The following ZBTB20 variants were observed in gnomAD, a reference collection of about 807,000 sequenced individuals.
ZBTB20 encodes zinc finger and BTB domain containing 20, also known as zinc finger and BTB domain-containing protein 20.
In ZBTB20, 9 loss-of-function variants were observed where a neutral mutation model predicts 56.9. The ratio of observed to expected loss-of-function variants is 0.16; its 90% confidence interval spans 0.10 to 0.28. The LOEUF is 0.28. Among genes scored for constraint, ZBTB20 ranks in the 10% least tolerant of loss-of-function variants. ZBTB20 has a pLI of 1.00. For synonymous variants in ZBTB20, 417 were observed against 420.7 expected (o/e 0.99, Z 0.11); for missense variants, 655 against 1,003.0 (o/e 0.65, Z 4.69).
chr3:114,413,613 A>T lies in ZBTB20; in HGVS notation c.-254-24508T>A, dbSNP rs578190122. 1.7e-3 allele frequency among the ~76,000 whole-genome samples: 256 copies of T among 152,290 alleles called. 2 individuals carry two copies. Among genetic ancestry groups the T allele is most frequent in the South Asian group, 5.4e-3 (26 of 4,824 alleles). On this transcript the variant is annotated intron_variant, in intron 7 of 11. Coordinates refer to ENST00000675478, the MANE Select transcript of ZBTB20 (RefSeq NM_001348800.3). ...CCAGAGGGGCTTTTCTTATAATCAC[A>T]TGCTTGTAAGAAAGTAGGGACTAAC...
At chr3:115,128,740 G>A (rs1401477521) in intron 1 of ZBTB20, among the ~76,000 whole-genome samples, 2 of 130,752 alleles carry the variant, frequency 1.5e-5, no homozygotes, top group Admixed American at 7.6e-5. Flanking sequence ...TGGAGGGGAG[G>A]GAAGGGGAGG....
At chr3:114,929,321 A>G (rs971451549) in intron 3 of ZBTB20, among the ~76,000 whole-genome samples, 3 of 152,232 alleles carry the variant, frequency 2.0e-5, no homozygotes, top group African/African-American at 4.8e-5. Context: ...TTGAAGGTCA[A>G]TATGTTCCTA....
intron 3 of ZBTB20, among the ~76,000 whole-genome samples, chr3:114,968,223 T>C (rs1422154627): frequency 1.3e-5 from 2 of 152,154 alleles, no homozygotes; most frequent in South Asian, 2.1e-4. Flanking sequence ...GTTTTCAAAA[T>C]ACAAATTCTA....
At chr3:114,570,146 A>G (rs1006890382) in intron 6 of ZBTB20, among the ~76,000 whole-genome samples, 4 of 149,124 alleles carry the variant, frequency 2.7e-5, no homozygotes, top group Admixed American at 2.7e-4. Context: ...AAGGTAAAAC[A>G]TTCCCTTCTG....
chr3:114,342,418 A>G (rs931684154), intron 11 of ZBTB20, among the ~76,000 whole-genome samples: 1 of 152,210 alleles, frequency 6.6e-6, no homozygotes, highest in Non-Finnish European at 1.5e-5. Context: ...ACACAAAGTA[A>G]AAAGTGGATA....
chr3:114,896,228 C>A (rs763848340), intron 4 of ZBTB20, among the ~76,000 whole-genome samples: 1 of 152,116 alleles, frequency 6.6e-6, no homozygotes, highest in Non-Finnish European at 1.5e-5. Context: ...ACCATACAAT[C>A]TAGCAATTCC....
intron 1 of ZBTB20, among the ~76,000 whole-genome samples, chr3:115,130,688 G>A (rs564952472): frequency 6.6e-6 from 1 of 152,208 alleles, no homozygotes; most frequent in South Asian, 2.1e-4. Flanking sequence ...CAATCTGCTT[G>A]GGTGCCAAGA....
intron 6 of ZBTB20, among the ~76,000 whole-genome samples, chr3:114,626,327 A>C (rs1006907069): frequency 6.6e-6 from 1 of 152,186 alleles, no homozygotes; most frequent in African/African-American, 2.4e-5. Context: ...TTTGAAATGG[A>C]AATAATATTA....
intron 2 of ZBTB20, among the ~76,000 whole-genome samples, chr3:115,016,686 C>T (rs531493991): frequency 2.0e-5 from 3 of 151,756 alleles, no homozygotes; most frequent in African/African-American, 7.2e-5. Flanking sequence ...GTTTTTGTAC[C>T]AGTGCCATGC....
At chr3:114,622,945 T>C (rs1214384775) in intron 6 of ZBTB20, among the ~76,000 whole-genome samples, 1 of 152,216 alleles carries the variant, frequency 6.6e-6, no homozygotes, top group African/African-American at 2.4e-5. Flanking sequence ...GAGAACCATA[T>C]TGGCGACATC....
At chr3:115,047,077 C>T (rs1408960965) in intron 2 of ZBTB20, among the ~76,000 whole-genome samples, 1 of 152,134 alleles carries the variant, frequency 6.6e-6, no homozygotes, top group Admixed American at 6.5e-5. Flanking sequence ...TTTATCAATA[C>T]TTTCTTCTGC....
chr3:114,425,681 C>T (rs2089585084), intron 7 of ZBTB20, among the ~76,000 whole-genome samples: 1 of 152,166 alleles, frequency 6.6e-6, no homozygotes, highest in African/African-American at 2.4e-5. Context: ...CTGATGCACT[C>T]ATCCATCTTT....
chr3:115,106,423 C>T (rs920358557), intron 1 of ZBTB20, among the ~76,000 whole-genome samples: 14 of 151,228 alleles, frequency 9.3e-5, no homozygotes, highest in Non-Finnish European at 1.6e-4. Context: ...TTAGCAGAAA[C>T]GGGGTTTCAC....
At chr3:114,435,901 C>G (rs755003315) in intron 7 of ZBTB20, among the ~76,000 whole-genome samples, 2 of 152,132 alleles carry the variant, frequency 1.3e-5, no homozygotes, top group Non-Finnish European at 2.9e-5. Context: ...GAATTTGGGG[C>G]CTATATACTG....
At chr3:114,971,012 CA>C (rs59884793) in intron 3 of ZBTB20, among the ~76,000 whole-genome samples, 20,134 of 122,292 alleles carry the variant, frequency 0.16, 2,907 homozygotes, top group African/African-American at 0.42. Flanking sequence ...GAGACTCCGT[CA>C]AAAAAAAAAA....
intron 6 of ZBTB20, among the ~76,000 whole-genome samples, chr3:114,690,752 GT>G (rs1560132008): frequency 6.6e-6 from 1 of 151,886 alleles, no homozygotes; most frequent in African/African-American, 2.4e-5. Flanking sequence ...CCCATCACAT[GT>G]TTTCCATGTC....
chr3:114,795,546 T>C (rs2071286686), intron 5 of ZBTB20, among the ~76,000 whole-genome samples: 2 of 152,074 alleles, frequency 1.3e-5, no homozygotes, highest in Non-Finnish European at 2.9e-5. Flanking sequence ...TCCCCTCCCA[T>C]ACTCCGTTCT....
intron 2 of ZBTB20, among the ~76,000 whole-genome samples, chr3:115,010,228 C>T (rs796225184): frequency 6.6e-6 from 1 of 151,944 alleles, no homozygotes; most frequent in South Asian, 2.1e-4. Context: ...ACAGGCCTGG[C>T]TGGCTTTTCC....
intron 6 of ZBTB20, among the ~76,000 whole-genome samples, chr3:114,597,510 G>A (rs920308206): frequency 6.6e-6 from 1 of 152,174 alleles, no homozygotes; most frequent in African/African-American, 2.4e-5. Context: ...ACACTTTCAA[G>A]GTTAGAATAT....
Sources: allele counts gnomAD v4.1 joint callset (sites outside exome capture counted in the v4.1 genomes callset), GRCh38; gene constraint gnomAD v4.1.1; transcripts MANE v1.5; gene names NCBI Gene and HGNC (gene_info 2026-07-23, HGNC 2026-07-21).